Variants in MACROD2 observed in about 807,000 individuals in gnomAD.
The protein encoded by MACROD2 is mono-ADP ribosylhydrolase 2.
MACROD2 carries 36 observed loss-of-function variants against 70.4 expected under a neutral mutation model. The observed-to-expected ratio is 0.51, with a 90% CI of 0.39 to 0.68. The LOEUF (loss-of-function observed/expected upper bound fraction) is 0.68, where lower values mean the gene tolerates loss of function less well. MACROD2 is among the 30% of genes least tolerant of loss of function. The pLI is 0.00. For missense variants in MACROD2, 496 were observed against 538.4 expected (o/e 0.92, Z 0.78); for synonymous variants, 172 against 178.8 (o/e 0.96, Z 0.30).
chr20:15,593,975 G>A (rs1363309538), intron 8 of MACROD2, among the ~76,000 whole-genome samples: 1 of 152,094 alleles, frequency 6.6e-6, no homozygotes, highest in East Asian at 1.9e-4. Flanking sequence ...AAAAGCAGTG[G>A]CCAAACCATG....
intron 5 of MACROD2, among the ~76,000 whole-genome samples, chr20:14,785,174 A>ACACACAC (rs61220580): frequency 8.6e-5 from 13 of 150,994 alleles, no homozygotes; most frequent in African/African-American, 3.2e-4. Flanking sequence ...AACACACACA[A>ACACACAC]ACACACACAC....
chr20:15,583,854 C>CTGG (rs2048560736), intron 8 of MACROD2, among the ~76,000 whole-genome samples: 1 of 152,142 alleles, frequency 6.6e-6, no homozygotes, highest in African/African-American at 2.4e-5. Flanking sequence ...GTTGGCCAGG[C>CTGG]TGGTCTCAAA....
intron 3 of MACROD2, among the ~76,000 whole-genome samples, chr20:14,136,531 G>A (rs1341470423): frequency 6.6e-6 from 1 of 152,136 alleles, no homozygotes; most frequent in Non-Finnish European, 1.5e-5. Flanking sequence ...TAAGGCAGCG[G>A]TTCTCCAAGT....
intron 3 of MACROD2, among the ~76,000 whole-genome samples, chr20:14,263,215 C>T (rs1387219257): frequency 3.3e-5 from 5 of 152,006 alleles, no homozygotes; most frequent in Admixed American, 1.3e-4. Flanking sequence ...CAAAAGAAGC[C>T]ACTTAAAGTG....
chr20:14,047,298 T>C (rs2053492934), intron 2 of MACROD2, among the ~76,000 whole-genome samples: 2 of 151,894 alleles, frequency 1.3e-5, no homozygotes, highest in Non-Finnish European at 1.5e-5. Flanking sequence ...AACCCAAATA[T>C]ACAAAAATTA....
At chr20:14,474,795 C>G (rs1313531226) in intron 3 of MACROD2, among the ~76,000 whole-genome samples, 1 of 151,964 alleles carries the variant, frequency 6.6e-6, no homozygotes, top group Non-Finnish European at 1.5e-5. Context: ...CACCTCTGTT[C>G]TTTTTGGTTT....
chr20:14,498,873 A>G (rs2084886067), intron 4 of MACROD2, among the ~76,000 whole-genome samples: 1 of 152,204 alleles, frequency 6.6e-6, no homozygotes, highest in South Asian at 2.1e-4. Flanking sequence ...CCAGCGCTCA[A>G]CATCCTGCAG....
intron 8 of MACROD2, among the ~76,000 whole-genome samples, chr20:15,840,352 GC>G (rs2064157055): frequency 6.6e-6 from 1 of 152,134 alleles, no homozygotes; most frequent in Admixed American, 6.6e-5. Context: ...TAATTCTTCA[GC>G]TTTGCAACTT....
At chr20:15,147,408 T>C (rs1359163120) in intron 5 of MACROD2, among the ~76,000 whole-genome samples, 1 of 145,410 alleles carries the variant, frequency 6.9e-6, no homozygotes, top group African/African-American at 2.6e-5. Context: ...GAGAACTCTG[T>C]GTGTGTAAAA....
In MACROD2 at chr20:15,503,365, C is replaced by G. The variant is rs78432460; in HGVS notation, c.645+3518C>G. ...GACAATTGGCTCTTGGAGCCTAAAG[C>G]TCAAGATAGAAGTAGGAAAGAAAGA... is the stretch of plus-strand genomic sequence containing the variant. On this transcript the variant is annotated intron_variant, in intron 8 of 17. Coordinates refer to ENST00000684519, the MANE Select transcript of MACROD2 (RefSeq NM_001351661.2). Among the ~76,000 whole-genome samples the G allele has an allele frequency of 7.2e-3, 1,089 of 152,242 alleles. 15 individuals are homozygous for G. Among genetic ancestry groups the G allele is most frequent in the African/African-American group, 0.025 (1,022 of 41,534 alleles).
intron 5 of MACROD2, among the ~76,000 whole-genome samples, chr20:15,186,486 C>T (rs879857094): frequency 3.9e-5 from 6 of 152,212 alleles, no homozygotes; most frequent in Non-Finnish European, 7.4e-5. Flanking sequence ...AAAACAGGAA[C>T]TGTTCACTGT....
intron 5 of MACROD2, among the ~76,000 whole-genome samples, chr20:14,982,423 C>A (rs897530225): frequency 4.6e-5 from 7 of 152,136 alleles, no homozygotes; most frequent in Admixed American, 3.9e-4. Flanking sequence ...GAAAATGTCT[C>A]CAGGGCATGT....
intron 6 of MACROD2, among the ~76,000 whole-genome samples, chr20:15,329,627 A>G (rs2077970485): frequency 6.6e-6 from 1 of 152,106 alleles, no homozygotes; most frequent in Non-Finnish European, 1.5e-5. Flanking sequence ...AAATGAAAAT[A>G]CAATATTTTA....
rs75016562 is a variant in MACROD2, at chr20:14,276,749, C to T, written c.271+191021C>T. On this transcript the variant is annotated intron_variant, in intron 3 of 17. Transcript: ENST00000684519. ...ACCCTAACATACTACCAGGTATGGTCTCATTAGAACATTAAGACTATTATT... is the reference window on the plus strand; with the variant it reads ...ACCCTAACATACTACCAGGTATGGTTTCATTAGAACATTAAGACTATTATT... 5.8e-3 allele frequency among the ~76,000 whole-genome samples: 876 copies of T among 152,214 alleles called. 12 individuals carry two copies. The highest frequency in any genetic ancestry group is 0.034 in the Middle Eastern group (10 of 294).
chr20:15,757,001 G>T (rs1046175313), intron 8 of MACROD2, among the ~76,000 whole-genome samples: 4 of 152,124 alleles, frequency 2.6e-5, no homozygotes, highest in African/African-American at 9.7e-5. Flanking sequence ...GGAGACATTT[G>T]CATGGGTAAT....
chr20:14,011,696 G>A (rs113344164), intron 2 of MACROD2, among the ~76,000 whole-genome samples: 1 of 151,926 alleles, frequency 6.6e-6, no homozygotes, highest in Non-Finnish European at 1.5e-5. Context: ...ACCTGGCTAA[G>A]TTTTTGTATT....
At chr20:14,536,125 G>C (rs971470122) in intron 4 of MACROD2, among the ~76,000 whole-genome samples, 1 of 152,104 alleles carries the variant, frequency 6.6e-6, no homozygotes, top group African/African-American at 2.4e-5. Context: ...CAGTATCAAA[G>C]AGTTGTCACA....
chr20:15,048,186 G>A (rs573535643), intron 5 of MACROD2, among the ~76,000 whole-genome samples: 12 of 152,228 alleles, frequency 7.9e-5, no homozygotes, highest in Middle Eastern at 3.4e-3. Flanking sequence ...TGAAGCATGA[G>A]AATTGCTTGA....
chr20:15,957,155 G>A (rs536681922), intron 12 of MACROD2, among the ~76,000 whole-genome samples: 27 of 152,240 alleles, frequency 1.8e-4, no homozygotes, highest in African/African-American at 6.5e-4. Context: ...TGGAAAGGAG[G>A]ATAATGGGTA....
Sources: gnomAD v4.1 joint callset for allele counts (sites outside exome capture counted in the v4.1 genomes callset) on GRCh38, gnomAD v4.1.1 for gene constraint, MANE v1.5 for transcripts, NCBI Gene and HGNC (gene_info 2026-07-23, HGNC 2026-07-21) for gene names.